CSMD1: variants seen among roughly 807,000 people sequenced by gnomAD.
CSMD1 encodes CUB and Sushi multiple domains 1, also known as CUB and sushi domain-containing protein 1.
In CSMD1, 213 loss-of-function variants were observed where a neutral mutation model predicts 417.5. The ratio of observed to expected loss-of-function variants is 0.51; its 90% CI spans 0.46 to 0.57. The LOEUF is 0.57. Among genes scored for constraint, CSMD1 ranks in the 20% least tolerant of loss-of-function variants. The pLI is 0.00. For synonymous variants in CSMD1, 2,862 were observed against 1,736.8 expected (o/e 1.65, Z -16.11); for missense variants, 6,923 against 4,529.7 (o/e 1.53, Z -15.17).
chr8:3,836,807 G>C (rs995893137), intron 5 of CSMD1, among the ~76,000 whole-genome samples: 1 of 151,986 alleles, frequency 6.6e-6, no homozygotes, highest in South Asian at 2.1e-4. Flanking sequence ...TCTTCTCACA[G>C]TTTAAATAAT....
chr8:4,709,458 C>G (rs538005594), intron 1 of CSMD1, among the ~76,000 whole-genome samples: 6 of 152,322 alleles, frequency 3.9e-5, no homozygotes, highest in African/African-American at 9.6e-5. Flanking sequence ...TAGAGGGACT[C>G]TGTCCATAGG....
chr8:4,348,040 G>C (rs757728564), intron 3 of CSMD1, among the ~76,000 whole-genome samples: 16 of 152,098 alleles, frequency 1.1e-4, no homozygotes, highest in African/African-American at 2.7e-4. Context: ...AAACAGATTA[G>C]TTACAACATA....
intron 3 of CSMD1, among the ~76,000 whole-genome samples, chr8:4,367,536 A>G (rs1802150428): frequency 6.6e-6 from 1 of 152,198 alleles, no homozygotes; most frequent in South Asian, 2.1e-4. Flanking sequence ...TGCTTTAGCT[A>G]ATGTGGGGCT....
At chr8:3,362,841 G>A (rs1409069066) in intron 20 of CSMD1, among the ~76,000 whole-genome samples, 1 of 152,120 alleles carries the variant, frequency 6.6e-6, no homozygotes, top group Non-Finnish European at 1.5e-5. Flanking sequence ...CATCCTTCCT[G>A]TAGTCTCAGC....
At chr8:4,932,285 T>G (rs1257965850) in intron 1 of CSMD1, among the ~76,000 whole-genome samples, 1 of 151,944 alleles carries the variant, frequency 6.6e-6, no homozygotes, top group Non-Finnish European at 1.5e-5. Flanking sequence ...TACATAAAAT[T>G]GTCTTAAAAA....
chr8:3,691,146 C>T (rs1046070467), intron 7 of CSMD1, among the ~76,000 whole-genome samples: 1 of 152,204 alleles, frequency 6.6e-6, no homozygotes, highest in Non-Finnish European at 1.5e-5. Flanking sequence ...GCAGGCGGAT[C>T]ACCTGAGGTC....
chr8:3,445,665 C>T (rs553298639), intron 12 of CSMD1, among the ~76,000 whole-genome samples: 61 of 152,066 alleles, frequency 4.0e-4, no homozygotes, highest in Admixed American at 6.5e-4. Context: ...GGTAGAAATA[C>T]GTCGGAACTA....
chr8:3,926,936 A>C (rs2627406), intron 5 of CSMD1, among the ~76,000 whole-genome samples: 11 of 151,386 alleles, frequency 7.3e-5, no homozygotes, highest in Non-Finnish European at 1.0e-4. Flanking sequence ...GGATGGTCTC[A>C]AACTCCTGAC....
intron 1 of CSMD1, among the ~76,000 whole-genome samples, chr8:4,799,218 G>GT (rs1461298622): frequency 2.0e-5 from 3 of 152,160 alleles, no homozygotes; most frequent in African/African-American, 7.2e-5. Context: ...TTTGAAAACT[G>GT]TAAGAGTGAA....
At chr8:4,657,584 A>G (rs1436061500) in intron 1 of CSMD1, among the ~76,000 whole-genome samples, 1 of 152,132 alleles carries the variant, frequency 6.6e-6, no homozygotes, top group Admixed American at 6.6e-5. Flanking sequence ...CAATAACTAC[A>G]GCAATAAAAC....
intron 2 of CSMD1, among the ~76,000 whole-genome samples, chr8:4,562,039 T>G (rs1450501196): frequency 6.6e-6 from 1 of 152,168 alleles, no homozygotes; most frequent in African/African-American, 2.4e-5. Flanking sequence ...AGGCCGTACA[T>G]ATTCAATGCA....
intron 25 of CSMD1, among the ~76,000 whole-genome samples, chr8:3,295,695 T>C (rs1468868551): frequency 6.6e-6 from 1 of 152,172 alleles, no homozygotes; most frequent in Non-Finnish European, 1.5e-5. Context: ...GTAATGTATG[T>C]ATTGCCCTTG....
At chr8:4,833,635 C>G (rs141287474) in intron 1 of CSMD1, among the ~76,000 whole-genome samples, 1 of 152,304 alleles carries the variant, frequency 6.6e-6, no homozygotes, top group African/African-American at 2.4e-5. Flanking sequence ...TACTGTATCT[C>G]TGCAACAGAG....
At chr8:3,183,578 TC>T (rs1056435454) in intron 36 of CSMD1, among the ~76,000 whole-genome samples, 12 of 143,092 alleles carry the variant, frequency 8.4e-5, no homozygotes, top group Non-Finnish European at 1.1e-4. Context: ...TAACGCCTAA[TC>T]TATCTATCCC....
At chr8:4,829,560 G>A (rs907428718) in intron 1 of CSMD1, among the ~76,000 whole-genome samples, 3 of 151,930 alleles carry the variant, frequency 2.0e-5, no homozygotes, top group African/African-American at 4.8e-5. Flanking sequence ...TGGGCAACAT[G>A]GCAACCTCAT....
At chr8:2,986,859 A>G (rs771428136) in intron 54 of CSMD1, among the ~76,000 whole-genome samples, 1 of 151,850 alleles carries the variant, frequency 6.6e-6, no homozygotes, top group Non-Finnish European at 1.5e-5. Context: ...AAAACATTGC[A>G]GGAAATATTA....
intron 3 of CSMD1, among the ~76,000 whole-genome samples, chr8:4,053,682 T>A (rs1380037544): frequency 6.6e-6 from 1 of 152,086 alleles, no homozygotes; most frequent in Non-Finnish European, 1.5e-5. Context: ...AATAGCAGGT[T>A]AAAATCAAAC....
At chr8:4,905,682 T>A (rs535614328) in intron 1 of CSMD1, among the ~76,000 whole-genome samples, 4 of 151,416 alleles carry the variant, frequency 2.6e-5, no homozygotes, top group South Asian at 2.1e-4. Context: ...TAGCCGGGCG[T>A]GGTGGCGGGC....
chr8:3,237,562 C>T (rs985960880), intron 26 of CSMD1, among the ~76,000 whole-genome samples: 2 of 139,774 alleles, frequency 1.4e-5, no homozygotes, highest in Non-Finnish European at 3.1e-5. Context: ...CACAACTTTG[C>T]ATATAAATAT....
Sources: allele counts gnomAD v4.1 joint callset (sites outside exome capture counted in the v4.1 genomes callset), GRCh38; gene constraint gnomAD v4.1.1; transcripts MANE v1.5; gene names NCBI Gene and HGNC (gene_info 2026-07-23, HGNC 2026-07-21).